SPATA6L: variants seen among roughly 807,000 people sequenced by gnomAD.
SPATA6L encodes the protein spermatogenesis associated 6-like protein.
In SPATA6L, 68 loss-of-function variants were observed where a neutral mutation model predicts 49.2. The observed-to-expected ratio is 1.38, with a 90% CI of 1.14 to 1.69. The LOEUF is 1.69. Among genes scored for constraint, SPATA6L ranks in the 40% most tolerant of loss-of-function variants. The pLI, the probability that SPATA6L is intolerant of heterozygous loss-of-function variation, is 0.00. For synonymous variants in SPATA6L, 198 were observed against 165.7 expected, an observed-to-expected ratio of 1.19 and a Z score of -1.50; for missense variants, 668 against 464.3, an observed-to-expected ratio of 1.44 and a Z score of -4.03.
At chr9:4,601,539 C>T (rs1478074738) in intron 11 of SPATA6L, among the ~76,000 whole-genome samples, 1 of 152,200 alleles carries the variant, frequency 6.6e-6, no homozygotes. Context: ...TTCTCTCCCT[C>T]TACGTGGTCA....
Position 4,662,946 on chromosome 9 carries a change from C to T in SPATA6L, c.40-910G>A, listed in dbSNP as rs980865496. ...GATCAAAGGGCTGGTCCGCAGGCGC[C>T]GCCCGGCCCACAACCAGATGGACAT... On this transcript the variant is annotated intron_variant, in intron 1 of 11. Transcript: ENST00000682582. This position sits in a 1 kb window ranked among gnomAD's most constrained non-coding sequence, Gnocchi z 4.9. The T allele has an allele frequency of 6.2e-7, 1 of 1,611,754 alleles. No homozygotes were observed. The highest frequency in any genetic ancestry group is 8.5e-7 in the Non-Finnish European group (1 of 1,179,896).
intron 1 of SPATA6L, among the ~76,000 whole-genome samples, chr9:4,665,671 T>C (rs1840751420): frequency 6.6e-6 from 1 of 151,950 alleles, no homozygotes; most frequent in South Asian, 2.1e-4. Flanking sequence ...AACCATGGAG[T>C]CACTCTGCCA....
At chr9:4,609,483 A>G (rs928978603) in intron 9 of SPATA6L, among the ~76,000 whole-genome samples, 13 of 152,308 alleles carry the variant, frequency 8.5e-5, no homozygotes, top group East Asian at 1.9e-4. Flanking sequence ...ATGCAAGGCT[A>G]GTTCAATATA....
chr9:4,661,494 T>G (rs1839729042), intron 2 of SPATA6L, among the ~76,000 whole-genome samples: 1 of 149,248 alleles, frequency 6.7e-6, no homozygotes, highest in African/African-American at 2.5e-5. Context: ...TTACAGGATT[T>G]AACTAATTTC....
At chr9:4,644,417 A>AAGCT (rs1834822123) in intron 3 of SPATA6L, among the ~76,000 whole-genome samples, 1 of 151,820 alleles carries the variant, frequency 6.6e-6, no homozygotes, top group Non-Finnish European at 1.5e-5. Flanking sequence ...ACAAGGGGGA[A>AAGCT]AGCTAATAAC....
chr9:4,655,399 G>A (rs1002664797), intron 3 of SPATA6L, among the ~76,000 whole-genome samples: 1 of 152,124 alleles, frequency 6.6e-6, no homozygotes, highest in Non-Finnish European at 1.5e-5. Flanking sequence ...TGGGGAATAG[G>A]GAGTGATTGC....
At chr9:4,629,636 T>C (rs764685738) in intron 4 of SPATA6L, among the ~76,000 whole-genome samples, 30 of 150,198 alleles carry the variant, frequency 2.0e-4, no homozygotes, top group Non-Finnish European at 3.4e-4. Context: ...TTGCTTTATA[T>C]TTTATATCAG....
chr9:4,650,963 A>G (rs1239367612), intron 3 of SPATA6L, among the ~76,000 whole-genome samples: 1 of 151,928 alleles, frequency 6.6e-6, no homozygotes, highest in East Asian at 1.9e-4. Context: ...TGGCCTCCCA[A>G]AATGCTGGGA....
intron 3 of SPATA6L, among the ~76,000 whole-genome samples, chr9:4,643,062 C>T (rs1484290374): frequency 6.6e-6 from 1 of 152,160 alleles, no homozygotes; most frequent in Non-Finnish European, 1.5e-5. Flanking sequence ...GGCTGGAGTG[C>T]AGTGGTGCAA....
At chr9:4,597,299 T>C (rs1164500065), downstream of SPATA6L, among the ~76,000 whole-genome samples, 5 of 148,064 alleles carry the variant, frequency 3.4e-5, no homozygotes, top group African/African-American at 1.3e-4. Context: ...TTTTTATATA[T>C]ATAAAAAAAG....
chr9:4,651,954 A>G (rs1836980096), intron 3 of SPATA6L, among the ~76,000 whole-genome samples: 1 of 152,200 alleles, frequency 6.6e-6, no homozygotes, highest in African/African-American at 2.4e-5. Flanking sequence ...AGCCAGGGAA[A>G]TTAGACATGA....
rs1310401065 is a variant in SPATA6L at position 4,662,236 on chromosome 9, C to G, written c.40-200G>C. On this transcript the variant is annotated intron_variant, in intron 1 of 11. Transcript: ENST00000682582. The surrounding 1 kb of genome is among the most constrained non-coding windows in gnomAD (Gnocchi z 4.9). ...GAAATTCCAACTCCCTCCCACGTCTCCACCAGGTGTCACAATCGCGCTCTC... is the reference window on the plus strand; with the variant it reads ...GAAATTCCAACTCCCTCCCACGTCTGCACCAGGTGTCACAATCGCGCTCTC... 7.0e-7 allele frequency: 1 copy of G among 1,431,508 alleles called. No homozygotes were observed. The allele number at this position is 1,431,508 out of a possible 1,614,324, so 88.7% of individuals were successfully genotyped here.
chr9:4,622,597 A>C, intron 6 of SPATA6L, 87 bp from the exon 7 acceptor site: 1 of 891,208 alleles, frequency 1.1e-6, no homozygotes, highest in Non-Finnish European at 1.8e-6. Flanking sequence ...TCTCCCCCTC[A>C]ATCACTGATT....
chr9:4,608,278 C>G (rs1386236722), intron 9 of SPATA6L, among the ~76,000 whole-genome samples: 1 of 84,748 alleles, frequency 1.2e-5, no homozygotes, highest in Admixed American at 1.4e-4. Context: ...TTGAACTCAG[C>G]TCTGCACCAA....
chr9:4,625,769 C>T (rs970145817), intron 5 of SPATA6L: 2 of 390,258 alleles, frequency 5.1e-6, no homozygotes, highest in Admixed American at 4.2e-5. Context: ...TTATAACTTG[C>T]TAGTATAATG....
At chr9:4,610,952 A>C (rs1207849245) in intron 9 of SPATA6L, among the ~76,000 whole-genome samples, 4 of 142,958 alleles carry the variant, frequency 2.8e-5, no homozygotes, top group Non-Finnish European at 6.1e-5. Context: ...AATTTACAAG[A>C]AAAAAACAAA....
downstream of SPATA6L, among the ~76,000 whole-genome samples, chr9:4,597,215 G>A (rs999201272): frequency 6.6e-6 from 1 of 151,986 alleles, no homozygotes; most frequent in Non-Finnish European, 1.5e-5. Context: ...CATTTTGGGA[G>A]GCCGAGGCGG....
Position 4,656,207 on chromosome 9 carries a change from G to C in SPATA6L, c.178-118C>G. On this transcript the variant is annotated intron_variant, in intron 2 of 11. Transcript: ENST00000682582. The stretch of plus-strand genomic sequence containing the variant: ...TAATCCTAGCACTTTGGGAGGCCGA[G>C]GTGGGTGTATTGCTTAAGCTCAGGA... The C allele has an allele frequency of 1.7e-5, 13 of 757,792 alleles. No individual in the cohort carries two copies. The South Asian group carries it at 2.1e-4, about 13-fold the overall frequency. The allele number at this position is 757,792 out of a possible 1,614,324, so 46.9% of individuals were successfully genotyped here.
chr9:4,606,587 C>CGTGT lies in SPATA6L; in HGVS notation c.996-1148_996-1147insACAC, dbSNP rs1554704910. Among the ~76,000 whole-genome samples, 14 of 31,434 alleles carry CGTGT rather than the reference C, an allele frequency of 4.5e-4. 5 individuals are homozygous for CGTGT. Among genetic ancestry groups the CGTGT allele is most frequent in the Admixed American group, 4.0e-3 (10 of 2,474 alleles). 20.6% of individuals were successfully genotyped at this position (31,434 alleles called of 152,430 possible). Reference sequence around the variant, plus strand: ...CTCCAACAGACCTGCAGCTGAGGGTCCTGTTAGAAGGAAAACTAACAAACA... The same window carrying CGTGT: ...CTCCAACAGACCTGCAGCTGAGGGTCGTGTCTGTTAGAAGGAAAACTAACAAACA... On this transcript the variant is annotated intron_variant, in intron 9 of 11. Coordinates refer to ENST00000682582, the MANE Select transcript of SPATA6L (RefSeq NM_001353486.2).
Sources: gnomAD v4.1 joint callset for allele counts (sites outside exome capture counted in the v4.1 genomes callset) on GRCh38, gnomAD v4.1.1 for gene constraint, Gnocchi (gnomAD v3.1) non-coding constraint, MANE v1.5 for transcripts, NCBI Gene and HGNC (gene_info 2026-07-23, HGNC 2026-07-21) for gene names.